The following PPM1B variants were observed in gnomAD, a reference collection of about 807,000 sequenced individuals.
PPM1B encodes the protein protein phosphatase, Mg2+/Mn2+ dependent 1B, also known as protein phosphatase 1B.
PPM1B carries 22 observed loss-of-function variants against 43.0 expected under a neutral mutation model. The ratio of observed to expected loss-of-function variants is 0.51; its 90% CI spans 0.37 to 0.73. The LOEUF is 0.73. Ranked by LOEUF, PPM1B falls within the 30% of genes least tolerant of loss-of-function variation. The pLI, the probability that PPM1B is intolerant of heterozygous loss-of-function variation, is 0.00. For synonymous variants in PPM1B, 217 were observed against 197.9 expected (o/e 1.10, Z -0.81); for missense variants, 632 against 584.2 (o/e 1.08, Z -0.84).
intron 2 of PPM1B, among the ~76,000 whole-genome samples, chr2:44,208,312 C>A (rs942459500): frequency 3.9e-5 from 6 of 152,208 alleles, no homozygotes; most frequent in African/African-American, 1.4e-4. Context: ...GACTATATAG[C>A]AATCTGATGT....
At chr2:44,210,885 CCCA>C (rs1669431672) in intron 3 of PPM1B, among the ~76,000 whole-genome samples, 1 of 152,138 alleles carries the variant, frequency 6.6e-6, no homozygotes, top group Admixed American at 6.5e-5. Flanking sequence ...CACCTATAAT[CCCA>C]GCACTTTGGG....
At chr2:44,204,059 C>T (rs1669060443) in intron 2 of PPM1B, among the ~76,000 whole-genome samples, 1 of 152,086 alleles carries the variant, frequency 6.6e-6, no homozygotes, top group African/African-American at 2.4e-5. Context: ...GAAGTTGGGG[C>T]CCATGATTCA....
At chr2:44,185,407 C>T (rs1016352763) in intron 1 of PPM1B, among the ~76,000 whole-genome samples, 1 of 152,170 alleles carries the variant, frequency 6.6e-6, no homozygotes, top group South Asian at 2.1e-4. Flanking sequence ...TTAGAGCACA[C>T]TGTATGTATT....
chr2:44,208,921 A>G (rs1669320227), intron 2 of PPM1B, among the ~76,000 whole-genome samples: 1 of 152,218 alleles, frequency 6.6e-6, no homozygotes, highest in Admixed American at 6.5e-5. Flanking sequence ...GAAATAGTTT[A>G]GAAGATTTAA....
chr2:44,223,670 G>A (rs1183201661), intron 5 of PPM1B, among the ~76,000 whole-genome samples: 2 of 151,668 alleles, frequency 1.3e-5, no homozygotes, highest in Admixed American at 1.3e-4. Context: ...AACAAAATTA[G>A]CCAGGCGTGG....
intron 1 of PPM1B, among the ~76,000 whole-genome samples, chr2:44,185,077 T>G (rs1236639369): frequency 1.3e-5 from 2 of 151,828 alleles, no homozygotes; most frequent in African/African-American, 4.8e-5. Context: ...TAATCCTAAT[T>G]ATTGTATACA....
intron 5 of PPM1B, among the ~76,000 whole-genome samples, chr2:44,243,724 G>T (rs547301211): frequency 1.3e-5 from 2 of 152,180 alleles, no homozygotes; most frequent in East Asian, 3.9e-4. Context: ...TCAGTACCAT[G>T]TCATCTTAAT....
At chr2:44,176,287 A>T (rs1667578136) in intron 1 of PPM1B, among the ~76,000 whole-genome samples, 1 of 152,228 alleles carries the variant, frequency 6.6e-6, no homozygotes, top group Non-Finnish European at 1.5e-5. Flanking sequence ...AATAATTGGG[A>T]TATACCTATA....
chr2:44,233,388 T>C (rs1226137162), downstream of PPM1B: 1 of 983,636 alleles, frequency 1.0e-6, no homozygotes, highest in Non-Finnish European at 1.2e-6. Flanking sequence ...ATAAGGTACT[T>C]GAAGATTTAT....
chr2:44,210,140 C>T (rs1669389564), intron 3 of PPM1B, among the ~76,000 whole-genome samples: 1 of 151,822 alleles, frequency 6.6e-6, no homozygotes, highest in South Asian at 2.1e-4. Flanking sequence ...TATCCTTTCC[C>T]TTTTATTGAT....
chr2:44,226,863 A>G (rs1182249622), intron 5 of PPM1B, among the ~76,000 whole-genome samples: 1 of 146,992 alleles, frequency 6.8e-6, no homozygotes, highest in Non-Finnish European at 1.5e-5. Flanking sequence ...GACAAGGTTT[A>G]TCATTAGAGT....
chr2:44,210,572 G>A (rs1442401041), intron 3 of PPM1B, among the ~76,000 whole-genome samples: 3 of 152,064 alleles, frequency 2.0e-5, no homozygotes, highest in Admixed American at 2.0e-4. Context: ...GATCTCCCAT[G>A]TACATGTAGT....
At chr2:44,199,327 A>AAAAAAT (rs1668820566) in intron 1 of PPM1B, among the ~76,000 whole-genome samples, 1 of 140,178 alleles carries the variant, frequency 7.1e-6, no homozygotes, top group African/African-American at 2.8e-5. Flanking sequence ...ATAAAAATAA[A>AAAAAAT]AAAAAAAAAA....
intron 1 of PPM1B, among the ~76,000 whole-genome samples, chr2:44,173,837 C>G (rs916825613): frequency 5.3e-5 from 8 of 152,034 alleles, no homozygotes; most frequent in African/African-American, 1.9e-4. Context: ...CCAGCTACCC[C>G]GGAGGCTGTG....
chr2:44,214,368 C>G (rs566617125), intron 3 of PPM1B, among the ~76,000 whole-genome samples: 1 of 151,960 alleles, frequency 6.6e-6, no homozygotes, highest in South Asian at 2.1e-4. Flanking sequence ...TGCGCCCGAC[C>G]CCATAGAGTT....
At chr2:44,204,381 G>C (rs759235333) in intron 2 of PPM1B, among the ~76,000 whole-genome samples, 1 of 152,090 alleles carries the variant, frequency 6.6e-6, no homozygotes, top group African/African-American at 2.4e-5. Context: ...TAAGAGGAGA[G>C]GAAACATTAA....
intron 5 of PPM1B, among the ~76,000 whole-genome samples, chr2:44,222,105 C>T (rs1670004891): frequency 6.6e-6 from 1 of 152,010 alleles, no homozygotes; most frequent in Non-Finnish European, 1.5e-5. Context: ...TGTAAGTTGT[C>T]TTTATATTAG....
Position 44,172,908 on chromosome 2 carries a change from A to G in PPM1B, c.-15+3634A>G, listed in dbSNP as rs375951188. ...GATGACAGAGTGAAACCACGCCTCT[A>G]TTTTTTAAAAAATTCTGATGTGACT... On this transcript the variant is annotated intron_variant, in intron 1 of 5. Coordinates refer to ENST00000282412, the MANE Select transcript of PPM1B (RefSeq NM_002706.6). Among the ~76,000 whole-genome samples, 12 of 152,336 alleles carry G rather than the reference A, an allele frequency of 7.9e-5. No individual in the cohort carries two copies. In the East Asian group the frequency reaches 9.6e-4, roughly 12 times the overall value.
At chr2:44,232,475 C>G, downstream of PPM1B, 2 of 1,527,380 alleles carry the variant, frequency 1.3e-6, no homozygotes, top group Non-Finnish European at 1.8e-6. Context: ...AGCAGAAAAT[C>G]ATTAGCATTT....
Sources: allele counts gnomAD v4.1 joint callset (sites outside exome capture counted in the v4.1 genomes callset), GRCh38; gene constraint gnomAD v4.1.1; transcripts MANE v1.5; gene names NCBI Gene and HGNC (gene_info 2026-07-23, HGNC 2026-07-21).